GLIS3: variants seen among roughly 807,000 people sequenced by gnomAD.
GLIS3 encodes GLIS family zinc finger 3, also known as zinc finger protein GLIS3.
GLIS3 carries 53 observed loss-of-function variants against 78.6 expected under a neutral mutation model. That is an observed-to-expected ratio of 0.67 (90% CI 0.54 to 0.85). GLIS3 has a LOEUF of 0.85. Ranked by LOEUF, GLIS3 falls within the 40% of genes least tolerant of loss-of-function variation. The pLI is 0.00. For synonymous variants in GLIS3, 684 were observed against 509.9 expected (o/e 1.34, Z -4.60); for missense variants, 1,703 against 1,231.1 (o/e 1.38, Z -5.74).
At chr9:4,134,688 G>C (rs1833262713) in intron 2 of GLIS3, among the ~76,000 whole-genome samples, 1 of 152,242 alleles carries the variant, frequency 6.6e-6, no homozygotes, top group African/African-American at 2.4e-5. Flanking sequence ...ATAATGGGGA[G>C]AATGATTATC....
the GLIS3 span, among the ~76,000 whole-genome samples, chr9:4,363,050 G>C: frequency 1.3e-5 from 2 of 152,144 alleles, no homozygotes; most frequent in African/African-American, 4.8e-5. Context: ...CTGTGAATTG[G>C]AGATCAGTTC....
intron 2 of GLIS3, among the ~76,000 whole-genome samples, chr9:4,342,996 A>C (rs1477909544): frequency 6.6e-6 from 1 of 152,188 alleles, no homozygotes; most frequent in African/African-American, 2.4e-5. Context: ...GCTTTTGGGC[A>C]TATGAAAAAA....
At chr9:4,100,928 A>T (rs546075432) in intron 4 of GLIS3, among the ~76,000 whole-genome samples, 1 of 152,318 alleles carries the variant, frequency 6.6e-6, no homozygotes, top group Non-Finnish European at 1.5e-5. Context: ...CACAAAATAA[A>T]TGGCACTGCT....
intron 5 of GLIS3, among the ~76,000 whole-genome samples, chr9:3,935,788 A>G (rs550993): frequency 0.93 from 142,174 of 152,186 alleles, 66,946 homozygotes; most frequent in East Asian, 1. Flanking sequence ...TTAGTGTTCC[A>G]TTTTATTGGT....
At chr9:4,249,442 T>A (rs1824139734) in intron 2 of GLIS3, among the ~76,000 whole-genome samples, 2 of 152,222 alleles carry the variant, frequency 1.3e-5, no homozygotes, top group Non-Finnish European at 2.9e-5. Context: ...TGTATAGGAA[T>A]GCTTGTGATT....
At chr9:4,199,798 G>A (rs954970558) in intron 2 of GLIS3, among the ~76,000 whole-genome samples, 1 of 152,030 alleles carries the variant, frequency 6.6e-6, no homozygotes, top group African/African-American at 2.4e-5. Flanking sequence ...TTCAACACTT[G>A]ACCAATTGGA....
At chr9:4,331,026 T>A (rs1170683126) in intron 2 of GLIS3, among the ~76,000 whole-genome samples, 1 of 152,198 alleles carries the variant, frequency 6.6e-6, no homozygotes, top group Non-Finnish European at 1.5e-5. Context: ...AACAGGCCCA[T>A]CTTGCCCTGA....
the GLIS3 span, among the ~76,000 whole-genome samples, chr9:4,357,308 G>T: frequency 1.3e-5 from 2 of 152,188 alleles, no homozygotes; most frequent in African/African-American, 4.8e-5. Flanking sequence ...CCAAGTGTGG[G>T]TGGGCCTCAT....
At chr9:4,258,712 T>C (rs896006679) in intron 2 of GLIS3, among the ~76,000 whole-genome samples, 1 of 152,188 alleles carries the variant, frequency 6.6e-6, no homozygotes, top group South Asian at 2.1e-4. Flanking sequence ...CTGGGGGTGA[T>C]CTTATGTTCT....
At chr9:4,105,151 A>G (rs1317504008) in intron 4 of GLIS3, among the ~76,000 whole-genome samples, 2 of 152,222 alleles carry the variant, frequency 1.3e-5, no homozygotes, top group African/African-American at 2.4e-5. Context: ...TAAATTTCAT[A>G]TCATACCTAT....
At chr9:4,005,728 A>G (rs554034132) in intron 4 of GLIS3, among the ~76,000 whole-genome samples, 1 of 152,244 alleles carries the variant, frequency 6.6e-6, no homozygotes, top group Non-Finnish European at 1.5e-5. Flanking sequence ...AAAATAACCT[A>G]AACATCTGCC....
At chr9:4,353,740 G>T in the GLIS3 span, among the ~76,000 whole-genome samples, 1 of 152,122 alleles carries the variant, frequency 6.6e-6, no homozygotes, top group Non-Finnish European at 1.5e-5. Context: ...TTTTCTGGGG[G>T]CCTCCTTATC....
intron 9 of GLIS3, among the ~76,000 whole-genome samples, chr9:3,852,225 A>G (rs1349886390): frequency 6.6e-6 from 1 of 152,140 alleles, no homozygotes; most frequent in Non-Finnish European, 1.5e-5. Context: ...TAAGGTAGCA[A>G]TGCCCAGACA....
At chr9:4,387,628 A>T in the GLIS3 span, among the ~76,000 whole-genome samples, 4,127 of 152,268 alleles carry the variant, frequency 0.027, 231 homozygotes, top group East Asian at 0.24. Context: ...GGTCCCCATA[A>T]ACCAAATCTC....
intron 8 of GLIS3, among the ~76,000 whole-genome samples, chr9:3,870,798 T>C (rs1306918548): frequency 6.6e-6 from 1 of 152,230 alleles, no homozygotes; most frequent in Non-Finnish European, 1.5e-5. Context: ...AACCATATAA[T>C]TCCACCCCTG....
At chr9:4,018,128 A>C (rs1302685573) in intron 4 of GLIS3, among the ~76,000 whole-genome samples, 1 of 152,258 alleles carries the variant, frequency 6.6e-6, no homozygotes, top group Admixed American at 6.5e-5. Flanking sequence ...AATCACAATT[A>C]TAAAGTCATC....
chr9:4,468,894 C>A, the GLIS3 span, among the ~76,000 whole-genome samples: 1 of 152,278 alleles, frequency 6.6e-6, no homozygotes, highest in East Asian at 1.9e-4. Context: ...GGAGACTCAT[C>A]TCACCTGCAG....
chr9:4,012,191 T>C (rs983475517), intron 4 of GLIS3, among the ~76,000 whole-genome samples: 11 of 152,192 alleles, frequency 7.2e-5, no homozygotes, highest in Admixed American at 3.9e-4. Flanking sequence ...CTGCAAACAA[T>C]GCAAGTATGG....
intron 4 of GLIS3, among the ~76,000 whole-genome samples, chr9:4,085,627 C>T (rs1828955502): frequency 6.6e-6 from 1 of 152,172 alleles, no homozygotes; most frequent in South Asian, 2.1e-4. Flanking sequence ...GTAATTCCCA[C>T]TGTTGGAGGT....
Sources: gnomAD v4.1 joint callset for allele counts (sites outside exome capture counted in the v4.1 genomes callset) on GRCh38, gnomAD v4.1.1 for gene constraint, MANE v1.5 for transcripts, NCBI Gene and HGNC (gene_info 2026-07-23, HGNC 2026-07-21) for gene names.